WASL: variants seen among roughly 807,000 people sequenced by gnomAD.
WASL encodes actin nucleation-promoting factor WASL.
In WASL, 20 loss-of-function variants were observed where a neutral mutation model predicts 55.5. That is an observed-to-expected ratio of 0.36 (90% CI 0.25 to 0.52). The LOEUF is 0.52. Ranked by LOEUF, WASL falls within the 20% of genes least tolerant of loss-of-function variation. The pLI, the probability that WASL is intolerant of heterozygous loss-of-function variation, is 0.92. For synonymous variants in WASL, 249 were observed against 217.6 expected, an observed-to-expected ratio of 1.14 and a Z score of -1.27; for missense variants, 504 against 622.5, an observed-to-expected ratio of 0.81 and a Z score of 2.03.
chr7:123,739,912 G>A (rs748620251), intron 1 of WASL, among the ~76,000 whole-genome samples: 719 of 34,804 alleles, frequency 0.021, 4 homozygotes, highest in African/African-American at 0.05. Context: ...GTGTGTGTGT[G>A]TGTATATATA....
intron 1 of WASL, among the ~76,000 whole-genome samples, chr7:123,746,229 A>C (rs1489637086): frequency 6.6e-6 from 1 of 152,218 alleles, no homozygotes; most frequent in Non-Finnish European, 1.5e-5. Flanking sequence ...CTCCCTGAGG[A>C]CAAGTATCAG....
chr7:123,726,578 T>C (rs901769276), intron 1 of WASL, among the ~76,000 whole-genome samples: 2 of 151,992 alleles, frequency 1.3e-5, no homozygotes, highest in Non-Finnish European at 2.9e-5. Context: ...TCATTAAAAA[T>C]TAATTAGGGC....
chr7:123,705,082 G>A (rs1803647609), intron 4 of WASL, among the ~76,000 whole-genome samples: 1 of 152,192 alleles, frequency 6.6e-6, no homozygotes, highest in South Asian at 2.1e-4. Flanking sequence ...CTACTGTATA[G>A]AAAAGAGATA....
chr7:123,735,381 GAAA>G lies in WASL; in HGVS notation c.117+13234_117+13236del, dbSNP rs35321552. 8.5e-3 allele frequency among the ~76,000 whole-genome samples: 1,159 copies of G among 135,800 alleles called. 20 individuals carry two copies. Among genetic ancestry groups the G allele is most frequent in the African/African-American group, 0.03 (1,110 of 36,682 alleles). 89.1% of individuals were successfully genotyped at this position (135,800 alleles called of 152,430 possible). A position where few individuals can be genotyped will look rare whatever the true frequency, so the allele number is the denominator to read the frequency against. On this transcript the variant is annotated intron_variant, in intron 1 of 10. Coordinates refer to ENST00000223023, the MANE Select transcript of WASL (RefSeq NM_003941.4). ...CAATCAAAAGTTGCCAAAAATGCAG[GAAA>G]AAAAAAAAAACAGGAAAAGACCCAT...
At chr7:123,722,574 T>C (rs973950835) in intron 1 of WASL, among the ~76,000 whole-genome samples, 2 of 152,118 alleles carry the variant, frequency 1.3e-5, no homozygotes, top group African/African-American at 2.4e-5. Flanking sequence ...TCCTAGCACA[T>C]TGGGAGGCTG....
intron 1 of WASL, among the ~76,000 whole-genome samples, chr7:123,737,749 G>A (rs1242872741): frequency 6.6e-6 from 1 of 151,930 alleles, no homozygotes; most frequent in African/African-American, 2.4e-5. Flanking sequence ...AGATTTAAAT[G>A]TTCAAAATAA....
At chr7:123,743,827 T>TATATA (rs1276307853) in intron 1 of WASL, among the ~76,000 whole-genome samples, 4 of 152,180 alleles carry the variant, frequency 2.6e-5, no homozygotes, top group Non-Finnish European at 5.9e-5. Context: ...GTCCCTGTAT[T>TATATA]ATATATATAG....
intron 1 of WASL, among the ~76,000 whole-genome samples, chr7:123,744,727 T>C (rs2267875): frequency 0.28 from 42,779 of 151,950 alleles, 6,475 homozygotes; most frequent in African/African-American, 0.38. Context: ...TATTCAGGAC[T>C]ATATATGTTG....
In WASL at chr7:123,689,161, A is replaced by G. The variant is rs1301856317; in HGVS notation, c.1348-11T>C. On this transcript the variant is annotated splice_polypyrimidine_tract_variant and intron_variant, in intron 9 of 10. Transcript: ENST00000223023. ...TTGGCCATCAGCCACCTTGGAAAAG[A>G]AAGTTAGCAAAACTCAGTAATAAAT... 1 of 1,606,596 alleles carries G rather than the reference A, an allele frequency of 6.2e-7. No homozygotes were observed.
At chr7:123,695,463 G>A (rs1258181967) in intron 7 of WASL, among the ~76,000 whole-genome samples, 3 of 152,100 alleles carry the variant, frequency 2.0e-5, no homozygotes, top group Non-Finnish European at 4.4e-5. Flanking sequence ...AAGATCTGGA[G>A]AATTCAACAA....
At chr7:123,690,054 G>A (rs1803375984) in intron 9 of WASL, among the ~76,000 whole-genome samples, 1 of 152,030 alleles carries the variant, frequency 6.6e-6, no homozygotes, top group Non-Finnish European at 1.5e-5. Context: ...TAAACATTAT[G>A]TATTAACTAT....
rs1803233838 is a variant in WASL, at chr7:123,683,405, G to A, written c.*1114C>T. 1 of 151,628 alleles carries A rather than the reference G, an allele frequency of 6.6e-6. No homozygotes were observed. Among genetic ancestry groups the A allele is most frequent in the Non-Finnish European group, 1.5e-5 (1 of 67,882 alleles). The allele number at this position is 151,628 out of a possible 1,614,324, so 9.4% of individuals were successfully genotyped here. A position where few individuals can be genotyped will look rare whatever the true frequency, so the allele number is the denominator to read the frequency against. On this transcript the variant is annotated 3_prime_UTR_variant, in exon 11 of 11. Transcript: ENST00000223023. ...AAAAAAATCTATCATTCAGTTATCT[G>A]TTCCAAGAACTCTGACATTGGGACC... is the stretch of plus-strand genomic sequence containing the variant.
chr7:123,714,849 T>C (rs73718461), intron 1 of WASL, among the ~76,000 whole-genome samples: 3,462 of 152,166 alleles, frequency 0.023, 78 homozygotes, highest in Middle Eastern at 0.065. Context: ...TGAGGTGACA[T>C]CTTACCTGAA....
chr7:123,726,011 G>A (rs887724549), intron 1 of WASL, among the ~76,000 whole-genome samples: 1 of 152,088 alleles, frequency 6.6e-6, no homozygotes, highest in Non-Finnish European at 1.5e-5. Context: ...GAGATCTAAA[G>A]CATATTTTTT....
At chr7:123,704,536 A>G in intron 5 of WASL, 98 bp downstream of exon 5, 1 of 978,832 alleles carries the variant, frequency 1.0e-6, no homozygotes, top group Non-Finnish European at 1.5e-6. Flanking sequence ...ATTAACATGT[A>G]AAAGATACTA....
chr7:123,741,865 G>A (rs765595904), intron 1 of WASL, among the ~76,000 whole-genome samples: 8 of 152,050 alleles, frequency 5.3e-5, no homozygotes, highest in Admixed American at 1.3e-4. Flanking sequence ...TTTGGCCAAC[G>A]CTTAAGTAGC....
rs1196464616 is a variant in WASL at position 123,683,611 on chromosome 7, TAAA to T, written c.*905_*907del. 6.6e-6 allele frequency: 1 copy of T among 152,084 alleles called. No individual in the cohort carries two copies. The highest frequency in any genetic ancestry group is 1.9e-4 in the East Asian group (1 of 5,202). The allele number at this position is 152,084 out of a possible 1,614,324, so 9.4% of individuals were successfully genotyped here. A position where few individuals can be genotyped will look rare whatever the true frequency, so the allele number is the denominator to read the frequency against. ...CACACAAAGTGCAAAATAAAAATGC[TAAA>T]ATTCTACAGTATTTTAGTACTATTC... On this transcript the variant is annotated 3_prime_UTR_variant, in exon 11 of 11. Transcript: ENST00000223023.
At chr7:123,688,166 G>A (rs1183503176) in intron 10 of WASL, among the ~76,000 whole-genome samples, 1 of 152,112 alleles carries the variant, frequency 6.6e-6, no homozygotes, top group Non-Finnish European at 1.5e-5. Flanking sequence ...TATTTATATG[G>A]TGGTATGTAT....
intron 1 of WASL, among the ~76,000 whole-genome samples, chr7:123,738,811 T>A (rs142428826): frequency 3.3e-5 from 5 of 152,058 alleles, no homozygotes; most frequent in Non-Finnish European, 2.9e-5. Flanking sequence ...CTGGGCCACA[T>A]TGGAAGAAGA....
Sources: allele counts gnomAD v4.1 joint callset (sites outside exome capture counted in the v4.1 genomes callset), GRCh38; gene constraint gnomAD v4.1.1; transcripts MANE v1.5; gene names NCBI Gene and HGNC (gene_info 2026-07-23, HGNC 2026-07-21).